PRKG1: variants seen among roughly 807,000 people sequenced by gnomAD.
PRKG1 encodes the protein protein kinase cGMP-dependent 1, also known as cGMP-dependent protein kinase 1.
PRKG1 carries 35 observed loss-of-function variants against 88.1 expected under a neutral mutation model. The ratio of observed to expected loss-of-function variants is 0.40; its 90% CI spans 0.30 to 0.53. PRKG1 has a LOEUF of 0.53. PRKG1 is among the 20% of genes least tolerant of loss of function. PRKG1 has a pLI of 0.59. For missense variants in PRKG1, 540 were observed against 839.8 expected (o/e 0.64, Z 4.41); for synonymous variants, 303 against 292.5 (o/e 1.04, Z -0.37).
intron 2 of PRKG1, among the ~76,000 whole-genome samples, chr10:51,340,210 A>G (rs1841974635): frequency 6.6e-6 from 1 of 152,154 alleles, no homozygotes; most frequent in African/African-American, 2.4e-5. Context: ...GTATTAAGAA[A>G]TTCTAAAGAA....
chr10:51,888,688 A>G (rs1442102065), intron 4 of PRKG1, among the ~76,000 whole-genome samples: 1 of 152,228 alleles, frequency 6.6e-6, no homozygotes, highest in Middle Eastern at 3.2e-3. Context: ...TTCCCACTGC[A>G]GCTCTAGCTG....
chr10:51,330,980 C>T lies in PRKG1; in HGVS notation c.479-136743C>T, dbSNP rs976736138. ...GAAGCTGGGGCAGCTGTGGGTGGCA[C>T]GGTGCTCCTCATAGTCTCAGGTGTG... On this transcript the variant is annotated intron_variant, in intron 2 of 17. Transcript: ENST00000373980. Among the ~76,000 whole-genome samples, 6 of 152,044 alleles carry T rather than the reference C, an allele frequency of 3.9e-5. No homozygotes were observed. In the South Asian group the frequency reaches 6.2e-4, roughly 16 times the overall value.
chr10:51,705,564 C>G (rs1320008110), intron 3 of PRKG1, among the ~76,000 whole-genome samples: 2 of 152,178 alleles, frequency 1.3e-5, no homozygotes, highest in Non-Finnish European at 2.9e-5. Context: ...TTATGTAGAA[C>G]TTTACCTAAC....
intron 9 of PRKG1, among the ~76,000 whole-genome samples, chr10:52,165,899 C>T (rs1838421953): frequency 6.6e-6 from 1 of 152,310 alleles, no homozygotes; most frequent in South Asian, 2.1e-4. Context: ...GGAAGATTGG[C>T]TTGAGAGAAA....
rs772605128 is a variant in PRKG1, at chr10:52,251,675, T to C, written c.1173+9T>C. Reference sequence around the variant, plus strand: ...TCGGACGAGTAGAACTGGTAGGTGATTGTTCTTTAAATGCTTTTGATCGCC... The same window carrying C: ...TCGGACGAGTAGAACTGGTAGGTGACTGTTCTTTAAATGCTTTTGATCGCC... On this transcript the variant is annotated intron_variant, in intron 10 of 17. Transcript: ENST00000373980. 2.5e-6 allele frequency: 4 copies of C among 1,603,632 alleles called. No homozygotes were observed. Among genetic ancestry groups the C allele is most frequent in the Admixed American group, 3.3e-5 (2 of 59,914 alleles).
intron 1 of PRKG1, among the ~76,000 whole-genome samples, chr10:51,136,789 C>T (rs549122249): frequency 9.2e-5 from 14 of 152,118 alleles, no homozygotes; most frequent in African/African-American, 2.7e-4. Flanking sequence ...TTTATAATGT[C>T]GCCAACTCAA....
chr10:52,132,359 G>A (rs1318010186), intron 7 of PRKG1, among the ~76,000 whole-genome samples: 1 of 151,992 alleles, frequency 6.6e-6, no homozygotes, highest in African/African-American at 2.4e-5. Flanking sequence ...AATAATAAAT[G>A]CTTAAGAATA....
At chr10:52,099,957 T>C (rs1271999504) in intron 7 of PRKG1, among the ~76,000 whole-genome samples, 1 of 152,218 alleles carries the variant, frequency 6.6e-6, no homozygotes, top group Non-Finnish European at 1.5e-5. Context: ...ATTATTCTTA[T>C]TTATTTTATT....
chr10:51,383,238 C>T (rs532632823), intron 2 of PRKG1, among the ~76,000 whole-genome samples: 1 of 151,988 alleles, frequency 6.6e-6, no homozygotes, highest in South Asian at 2.1e-4. Context: ...TCTTATTATC[C>T]TGAGTTTACA....
chr10:51,806,246 C>G (rs1383701833), intron 4 of PRKG1, among the ~76,000 whole-genome samples: 1 of 152,156 alleles, frequency 6.6e-6, no homozygotes, highest in Non-Finnish European at 1.5e-5. Flanking sequence ...AAGCGTTGGA[C>G]ACTTACGATG....
chr10:52,014,591 C>A (rs1312207644), intron 5 of PRKG1, among the ~76,000 whole-genome samples: 3 of 152,144 alleles, frequency 2.0e-5, no homozygotes, highest in Admixed American at 6.5e-5. Context: ...CATGCCTTTC[C>A]AACAGTACCC....
intron 5 of PRKG1, among the ~76,000 whole-genome samples, chr10:51,987,704 C>G (rs945607127): frequency 6.6e-6 from 1 of 151,942 alleles, no homozygotes; most frequent in South Asian, 2.1e-4. Flanking sequence ...ACTATTCGCT[C>G]TAAAGAAATT....
chr10:51,603,473 C>T lies in PRKG1; in HGVS notation c.592+135637C>T, dbSNP rs931616458. ...GAAGAGGATAGGGAAAGCGCTATCC[C>T]TTTCCTGGAGTTCAATTCCAAAGCC... On this transcript the variant is annotated intron_variant, in intron 3 of 17. Transcript: ENST00000373980. 4.6e-5 allele frequency among the ~76,000 whole-genome samples: 7 copies of T among 152,254 alleles called. No homozygotes were observed. In the East Asian group the frequency reaches 1.4e-3, roughly 29 times the overall value.
intron 2 of PRKG1, among the ~76,000 whole-genome samples, chr10:51,351,672 A>T (rs1231482743): frequency 6.6e-6 from 1 of 151,778 alleles, no homozygotes; most frequent in African/African-American, 2.4e-5. Flanking sequence ...GATTGCAAAA[A>T]TTTTCTCCCA....
chr10:51,349,509 CTTT>C (rs71029360), intron 2 of PRKG1, among the ~76,000 whole-genome samples: 3 of 121,676 alleles, frequency 2.5e-5, no homozygotes, highest in Non-Finnish European at 1.8e-5. Context: ...TGTATGTGTC[CTTT>C]TTTTTTTTTT....
chr10:52,018,022 G>A lies in PRKG1; in HGVS notation c.763-36462G>A, dbSNP rs552494003. Among the ~76,000 whole-genome samples, 26 of 151,574 alleles carry A rather than the reference G, an allele frequency of 1.7e-4. 1 individual carries two copies. Among genetic ancestry groups the A allele is most frequent in the South Asian group, 1.2e-3 (6 of 4,832 alleles). On this transcript the variant is annotated intron_variant, in intron 5 of 17. Transcript: ENST00000373980. ...ACATTAATATTCCAGTGTAAGCATCGATTTGCCTAATTACGCAGTATTTTT... is the reference window on the plus strand; with the variant it reads ...ACATTAATATTCCAGTGTAAGCATCAATTTGCCTAATTACGCAGTATTTTT...
rs1426917357 is a variant in PRKG1, at chr10:51,160,954, G to A, written c.478+7624G>A. On this transcript the variant is annotated intron_variant, in intron 2 of 17. Transcript: ENST00000373980. ...TACATTCATAGCTTAGTTATGTGAG[G>A]TTCATGGCTTAGATTATCTTTACAT... is the stretch of plus-strand genomic sequence containing the variant. 2.6e-5 allele frequency among the ~76,000 whole-genome samples: 4 copies of A among 151,768 alleles called. No individual in the cohort carries two copies. In the East Asian group the frequency reaches 7.7e-4, roughly 29 times the overall value.
chr10:51,156,313 A>AC (rs61001322), intron 2 of PRKG1, among the ~76,000 whole-genome samples: 73,479 of 149,124 alleles, frequency 0.49, 19,290 homozygotes, highest in African/African-American at 0.67. Context: ...ACACACACAC[A>AC]AACACACACA....
intron 7 of PRKG1, among the ~76,000 whole-genome samples, chr10:52,067,241 T>C (rs963902453): frequency 1.3e-5 from 2 of 152,226 alleles, no homozygotes; most frequent in Non-Finnish European, 2.9e-5. Flanking sequence ...CAGCATTCTC[T>C]GTATGTACAG....
Sources: allele counts gnomAD v4.1 joint callset (sites outside exome capture counted in the v4.1 genomes callset), GRCh38; gene constraint gnomAD v4.1.1; transcripts MANE v1.5; gene names NCBI Gene and HGNC (gene_info 2026-07-23, HGNC 2026-07-21).